The following NANOG variants were observed in gnomAD, a reference collection of about 807,000 sequenced individuals.
The protein encoded by NANOG is homeobox protein NANOG.
In NANOG, 2 loss-of-function variants were observed where a neutral mutation model predicts 17.7. The ratio of observed to expected loss-of-function variants is 0.11; its 90% CI spans 0.05 to 0.36. The LOEUF (loss-of-function observed/expected upper bound fraction) is 0.36. NANOG is among the 10% of genes least tolerant of loss of function. The pLI is 1.00. For synonymous variants in NANOG, 81 were observed against 124.7 expected (o/e 0.65, Z 2.33); for missense variants, 174 against 362.1 (o/e 0.48, Z 4.22).
intron 1 of NANOG, among the ~76,000 whole-genome samples, chr12:7,790,333 G>A (rs1862822638): frequency 6.6e-6 from 1 of 152,168 alleles, no homozygotes; most frequent in African/African-American, 2.4e-5. Flanking sequence ...GAGTTTGGGA[G>A]CACCTCCCAT....
At chr12:7,790,200 C>G (rs913006222) in intron 1 of NANOG, among the ~76,000 whole-genome samples, 9 of 151,992 alleles carry the variant, frequency 5.9e-5, no homozygotes, top group Non-Finnish European at 1.2e-4. Flanking sequence ...TTTGTTTTGC[C>G]AAAAATGGCA....
At chr12:7,789,877 G>GA (rs1862813581) in intron 1 of NANOG, 112 bp downstream of exon 1, 1 of 1,159,406 alleles carries the variant, frequency 8.6e-7, no homozygotes, top group African/African-American at 1.5e-5. Flanking sequence ...TTACTATAAA[G>GA]AAGTGTTATT....
Position 7,791,285 on chromosome 12 carries a change from G to A in NANOG, c.151+1520G>A, listed in dbSNP as rs117937904. 7.2e-3 allele frequency among the ~76,000 whole-genome samples: 1,085 copies of A among 151,542 alleles called. 52 individuals carry two copies. In the East Asian group the frequency reaches 0.12, roughly 17 times the overall value. On this transcript the variant is annotated intron_variant, in intron 1 of 3. Coordinates refer to ENST00000229307, the MANE Select transcript of NANOG (RefSeq NM_024865.4). ...CCACCACGCCTAGCTAATTTTTGTA[G>A]TTCTTAGTAGAGAAGGGGTTTCGGT...
chr12:7,797,452 G>C lies in NANOG; in HGVS notation c.*2357G>C, dbSNP rs1282909029. On this transcript the variant is annotated 3_prime_UTR_variant, in exon 4 of 4. Coordinates refer to ENST00000229307, the MANE Select transcript of NANOG (RefSeq NM_024865.4). ...TACTCACTGCAACCTGCACCTCCCAGGTTCAAGTGATTCTCTTGCCTCAGC... is the reference window on the plus strand; with the variant it reads ...TACTCACTGCAACCTGCACCTCCCACGTTCAAGTGATTCTCTTGCCTCAGC... The C allele has an allele frequency of 2.0e-5, 3 of 147,470 alleles. No homozygotes were observed. Among genetic ancestry groups the C allele is most frequent in the African/African-American group, 5.0e-5 (2 of 40,176 alleles). The allele number at this position is 147,470 out of a possible 1,614,324, so 9.1% of individuals were successfully genotyped here.
intron 1 of NANOG, 80 bp downstream of exon 1, chr12:7,789,845 C>T: frequency 7.1e-7 from 1 of 1,410,348 alleles, no homozygotes; most frequent in Non-Finnish European, 9.9e-7. Context: ...GGATCATTTC[C>T]CTCTTGAGCA....
chr12:7,789,976 T>C lies in NANOG; in HGVS notation c.151+211T>C, dbSNP rs750979001. Among the ~76,000 whole-genome samples the C allele has an allele frequency of 4.0e-4, 61 of 152,258 alleles. 1 individual carries two copies. The highest frequency in any genetic ancestry group is 1.4e-3 in the African/African-American group (59 of 41,558). ...ATGTCCCAGGTCTCAGGAGTGTGCA[T>C]TGAGTTGAAGGACACAGAATTCGGC... On this transcript the variant is annotated intron_variant, in intron 1 of 3. Transcript: ENST00000229307.
At position 7,797,796 on chromosome 12, in the gene NANOG, G is replaced by C. The variant is rs1415152341; in HGVS notation, c.*2701G>C. On this transcript the variant is annotated 3_prime_UTR_variant, in exon 4 of 4. Transcript: ENST00000229307. ...AGTCTCTCAAATAGCCCAGACTATA[G>C]GTGCACACCACCATGCCAGCTAACT... is the stretch of plus-strand genomic sequence containing the variant. The C allele has an allele frequency of 6.6e-6, 1 of 152,090 alleles. No homozygotes were observed. Among genetic ancestry groups the C allele is most frequent in the Non-Finnish European group, 1.5e-5 (1 of 68,060 alleles). The allele number at this position is 152,090 out of a possible 1,614,324, so 9.4% of individuals were successfully genotyped here.
At chr12:7,794,397 T>C in intron 2 of NANOG, 60 bp from the exon 3 acceptor site, 1 of 1,447,516 alleles carries the variant, frequency 6.9e-7, no homozygotes, top group Non-Finnish European at 9.6e-7. Flanking sequence ...GCAATATACT[T>C]TGATTCAAAG....
intron 1 of NANOG, among the ~76,000 whole-genome samples, chr12:7,790,432 A>C (rs11055769): frequency 0.22 from 32,710 of 152,100 alleles, 4,325 homozygotes; most frequent in South Asian, 0.33. Flanking sequence ...AGTCAAACAG[A>C]ATGTAGCTAG....
chr12:7,789,503 T>C lies in NANOG; in HGVS notation c.-112T>C. 3 of 889,014 alleles carry C rather than the reference T, an allele frequency of 3.4e-6. No homozygotes were observed. Among genetic ancestry groups the C allele is most frequent in the Non-Finnish European group, 5.2e-6 (3 of 572,214 alleles). The allele number at this position is 889,014 out of a possible 1,614,324, so 55.1% of individuals were successfully genotyped here. On this transcript the variant is annotated 5_prime_UTR_variant, in exon 1 of 4. Transcript: ENST00000229307. ...ACTTTATCCCAATTTCTTGATACTTTTCCTTCTGGAGGTCCTATTTCTCTA... is the reference window on the plus strand; with the variant it reads ...ACTTTATCCCAATTTCTTGATACTTCTCCTTCTGGAGGTCCTATTTCTCTA...
At chr12:7,791,113 CT>C (rs57074245) in intron 1 of NANOG, among the ~76,000 whole-genome samples, 66,075 of 140,198 alleles carry the variant, frequency 0.47, 15,505 homozygotes, top group East Asian at 0.86. Context: ...TTCTTTCTTT[CT>C]TTTTTTTTTT....
intron 1 of NANOG, among the ~76,000 whole-genome samples, chr12:7,791,820 C>A (rs1862844807): frequency 1.3e-5 from 2 of 152,132 alleles, no homozygotes; most frequent in Non-Finnish European, 2.9e-5. Context: ...AAGGGAAGGC[C>A]TGGATTGAAA....
At position 7,795,163 on chromosome 12, in the gene NANOG, C is replaced by T. The variant is rs1317607683; in HGVS notation, c.*68C>T. The T allele has an allele frequency of 3.2e-6, 5 of 1,571,032 alleles. No individual in the cohort carries two copies. In the African/African-American group the frequency reaches 6.7e-5, roughly 21 times the overall value. ...GGCTGAATCCTTCCTCTCCCCTCCTCCCATCCCTCATAGGATTTTTCTTGT... is the reference window on the plus strand; with the variant it reads ...GGCTGAATCCTTCCTCTCCCCTCCTTCCATCCCTCATAGGATTTTTCTTGT... On this transcript the variant is annotated 3_prime_UTR_variant, in exon 4 of 4. Transcript: ENST00000229307.
In NANOG at chr12:7,797,588, C is replaced by G. The variant is rs2046543650; in HGVS notation, c.*2493C>G. 2.0e-5 allele frequency: 3 copies of G among 152,366 alleles called. No homozygotes were observed. The highest frequency in any genetic ancestry group is 3.4e-3 in the Middle Eastern group (1 of 298). 9.4% of individuals were successfully genotyped at this position (152,366 alleles called of 1,614,324 possible). ...ACCAGGCTGGTCTCGAACTCCTGAC[C>G]TCAGGTAATCCACCCTCCTCGGTCT... is the stretch of plus-strand genomic sequence containing the variant. On this transcript the variant is annotated 3_prime_UTR_variant, in exon 4 of 4. Transcript: ENST00000229307.
In NANOG at chr12:7,796,500, C is replaced by T. The variant is rs983745520; in HGVS notation, c.*1405C>T. 2 of 152,162 alleles carry T rather than the reference C, an allele frequency of 1.3e-5. No homozygotes were observed. The highest frequency in any genetic ancestry group is 4.8e-5 in the African/African-American group (2 of 41,438). The allele number at this position is 152,162 out of a possible 1,614,324, so 9.4% of individuals were successfully genotyped here. A position where few individuals can be genotyped will look rare whatever the true frequency, so the allele number is the denominator to read the frequency against. On this transcript the variant is annotated 3_prime_UTR_variant, in exon 4 of 4. Coordinates refer to ENST00000229307, the MANE Select transcript of NANOG (RefSeq NM_024865.4). ...TCAGAGGCCTATATGTAAGTAAATT[C>T]TAAGGCTAGTTGAAACAGATTTATG...
intron 2 of NANOG, 98 bp downstream of exon 2, chr12:7,793,310 TC>T (rs1862869716): frequency 3.6e-6 from 4 of 1,122,294 alleles, no homozygotes; most frequent in Non-Finnish European, 3.9e-6. Flanking sequence ...GTACTATGTG[TC>T]CGTACATCGC....
intron 1 of NANOG, among the ~76,000 whole-genome samples, chr12:7,790,184 C>CACG (rs1862820353): frequency 9.5e-6 from 1 of 105,520 alleles, no homozygotes; most frequent in South Asian, 3.4e-4. Context: ...CAGGGATGAG[C>CACG]ATGATTTTGT....
chr12:7,794,415 G>A (rs1862887496), intron 2 of NANOG, 42 bp from the exon 3 acceptor site: 1 of 1,529,824 alleles, frequency 6.5e-7, no homozygotes, highest in African/African-American at 1.4e-5. Context: ...AAGTACCTCT[G>A]TATTATGAAT....
chr12:7,796,809 G>A lies in NANOG; in HGVS notation c.*1714G>A, dbSNP rs1039897490. On this transcript the variant is annotated 3_prime_UTR_variant, in exon 4 of 4. Coordinates refer to ENST00000229307, the MANE Select transcript of NANOG (RefSeq NM_024865.4). Reference sequence around the variant, plus strand: ...GACTGGAGTCTTACTCTGTTGCCCAGGCTGGAGTGTAGTGGAGCGATCTCG... The same window carrying A: ...GACTGGAGTCTTACTCTGTTGCCCAAGCTGGAGTGTAGTGGAGCGATCTCG... 1 of 151,224 alleles carries A rather than the reference G, an allele frequency of 6.6e-6. No individual in the cohort carries two copies. The highest frequency in any genetic ancestry group is 1.5e-5 in the Non-Finnish European group (1 of 67,916). The allele number at this position is 151,224 out of a possible 1,614,324, so 9.4% of individuals were successfully genotyped here.
Sources: gnomAD v4.1 joint callset for allele counts (sites outside exome capture counted in the v4.1 genomes callset) on GRCh38, gnomAD v4.1.1 for gene constraint, MANE v1.5 for transcripts, NCBI Gene and HGNC (gene_info 2026-07-23, HGNC 2026-07-21) for gene names.